The following DGKI variants were observed in gnomAD, a reference collection of about 807,000 sequenced individuals.
DGKI encodes the protein DAG kinase iota.
A neutral mutation model predicts 147.5 loss-of-function variants in DGKI; 55 were observed. The ratio of observed to expected loss-of-function variants is 0.37; its 90% CI spans 0.30 to 0.47. The LOEUF (loss-of-function observed/expected upper bound fraction) is 0.47, where lower values mean the gene tolerates loss of function less well. Among genes scored for constraint, DGKI ranks in the 20% least tolerant of loss-of-function variants. The probability of loss-of-function intolerance (pLI) is 1.00; values close to 1 mark genes in which losing one functional copy is unlikely to be tolerated. For missense variants in DGKI, 1,007 were observed against 1,323.8 expected (o/e 0.76, Z 3.71); for synonymous variants, 469 against 477.1 (o/e 0.98, Z 0.22).
chr7:137,800,930 G>A (rs1299359265), intron 1 of DGKI, among the ~76,000 whole-genome samples: 1 of 152,142 alleles, frequency 6.6e-6, no homozygotes. Context: ...CCACCATTCT[G>A]TAGAATAAGA....
At chr7:137,418,474 C>T (rs995181809) in intron 28 of DGKI, among the ~76,000 whole-genome samples, 1 of 152,090 alleles carries the variant, frequency 6.6e-6, no homozygotes, top group Non-Finnish European at 1.5e-5. Context: ...TATTGCTGTA[C>T]AGAAGACAAT....
In DGKI at chr7:137,843,397, C is replaced by T. The variant is rs916456722; in HGVS notation, c.401+3065G>A. The T allele has an allele frequency of 2.8e-5, 28 of 984,774 alleles. No homozygotes were observed. The East Asian group carries it at 1.5e-3, about 52-fold the overall frequency. The allele number at this position is 984,774 out of a possible 1,614,324, so 61.0% of individuals were successfully genotyped here. On this transcript the variant is annotated intron_variant, in intron 1 of 32. Coordinates refer to ENST00000614521, the MANE Select transcript of DGKI (RefSeq NM_001321708.2). ...TTTAAAAGAAAAGTACCAGCTCACT[C>T]GCACTGCCTTTTCAAACCTTCAGCT...
At chr7:137,397,273 A>G (rs1238420284) in intron 31 of DGKI, 104 bp downstream of exon 31, 2 of 1,101,490 alleles carry the variant, frequency 1.8e-6, no homozygotes, top group Non-Finnish European at 2.6e-6. Flanking sequence ...ACTTTGAATT[A>G]ATTAAGTTAA....
chr7:137,422,006 A>G (rs1259929247), intron 28 of DGKI, among the ~76,000 whole-genome samples: 2 of 152,230 alleles, frequency 1.3e-5, no homozygotes, highest in Non-Finnish European at 2.9e-5. Context: ...GGTGTTTGTT[A>G]GTTGCATCTA....
chr7:137,603,353 A>T (rs764584346), intron 10 of DGKI, among the ~76,000 whole-genome samples: 13 of 152,220 alleles, frequency 8.5e-5, no homozygotes, highest in Non-Finnish European at 1.8e-4. Flanking sequence ...GGTTTATATC[A>T]TGCAGGCATT....
intron 1 of DGKI, among the ~76,000 whole-genome samples, chr7:137,711,604 T>G (rs1024736779): frequency 6.6e-6 from 1 of 151,760 alleles, no homozygotes; most frequent in Non-Finnish European, 1.5e-5. Context: ...GCACAGAATT[T>G]GCAGTCAGAC....
chr7:137,478,622 A>G (rs1347119078), intron 23 of DGKI, among the ~76,000 whole-genome samples: 2 of 152,198 alleles, frequency 1.3e-5, no homozygotes, highest in Admixed American at 6.5e-5. Flanking sequence ...GGCATTAAGG[A>G]TTCCTTGATT....
intron 28 of DGKI, among the ~76,000 whole-genome samples, chr7:137,428,966 G>A (rs1812941475): frequency 2.0e-5 from 3 of 152,082 alleles, no homozygotes; most frequent in African/African-American, 7.2e-5. Context: ...TCGTGAAAAT[G>A]GCCATACTGC....
chr7:137,612,618 A>T (rs1404009177), intron 8 of DGKI, among the ~76,000 whole-genome samples: 1 of 152,144 alleles, frequency 6.6e-6, no homozygotes, highest in East Asian at 1.9e-4. Flanking sequence ...AATCTACAGG[A>T]TCGCTTATCC....
In DGKI at chr7:137,400,108, C is replaced by T. The variant is rs1277883036; in HGVS notation, c.2921-2695G>A. On this transcript the variant is annotated intron_variant, in intron 30 of 32. Coordinates refer to ENST00000614521, the MANE Select transcript of DGKI (RefSeq NM_001321708.2). ...GTGGTATGAAAGGGTCACTTTACTC[C>T]CACTTACATGTGAAGACACTTGTTG... Among the ~76,000 whole-genome samples the T allele has an allele frequency of 1.3e-5, 2 of 152,066 alleles. 1 individual carries two copies. The highest frequency in any genetic ancestry group is 4.8e-5 in the African/African-American group (2 of 41,388).
intron 1 of DGKI, among the ~76,000 whole-genome samples, chr7:137,761,637 C>G (rs753671811): frequency 1.1e-4 from 17 of 152,182 alleles, no homozygotes; most frequent in Admixed American, 5.9e-4. Flanking sequence ...CATTTGAAAG[C>G]CTCATTAGCT....
intron 1 of DGKI, among the ~76,000 whole-genome samples, chr7:137,746,923 T>G (rs1192536483): frequency 1.3e-5 from 2 of 152,202 alleles, no homozygotes. Flanking sequence ...AGAGTTAGCC[T>G]GGGGCAAGAT....
At chr7:137,588,261 G>A (rs1819478718) in intron 12 of DGKI, among the ~76,000 whole-genome samples, 1 of 152,028 alleles carries the variant, frequency 6.6e-6, no homozygotes, top group African/African-American at 2.4e-5. Context: ...CCTCATTAAA[G>A]AGCTAAGCAA....
At chr7:137,623,397 T>C in intron 7 of DGKI, 86 bp downstream of exon 7, 1 of 1,292,774 alleles carries the variant, frequency 7.7e-7, no homozygotes, top group Non-Finnish European at 1.1e-6. Context: ...GAATGCCTTC[T>C]ACTTCCAGGG....
At chr7:137,394,613 C>G (rs1811481638) in intron 32 of DGKI, among the ~76,000 whole-genome samples, 1 of 152,162 alleles carries the variant, frequency 6.6e-6, no homozygotes, top group South Asian at 2.1e-4. Flanking sequence ...CCCCTAAGGC[C>G]TCACCTCCGC....
chr7:137,519,869 T>A (rs1055266754), intron 21 of DGKI, among the ~76,000 whole-genome samples: 1 of 152,106 alleles, frequency 6.6e-6, no homozygotes, highest in African/African-American at 2.4e-5. Context: ...ATTGTTTTCT[T>A]CAAATCCAAA....
intron 19 of DGKI, among the ~76,000 whole-genome samples, chr7:137,559,556 A>G (rs1818347466): frequency 6.6e-6 from 1 of 152,204 alleles, no homozygotes; most frequent in African/African-American, 2.4e-5. Flanking sequence ...AGTAGCAATT[A>G]TTGCATACTT....
chr7:137,443,324 A>G (rs1813584229), intron 28 of DGKI, among the ~76,000 whole-genome samples: 1 of 152,206 alleles, frequency 6.6e-6, no homozygotes, highest in South Asian at 2.1e-4. Flanking sequence ...TATACAGTGT[A>G]CTAGGGAAAA....
At chr7:137,633,917 G>C (rs971033130) in intron 6 of DGKI, among the ~76,000 whole-genome samples, 1 of 152,160 alleles carries the variant, frequency 6.6e-6, no homozygotes, top group African/African-American at 2.4e-5. Flanking sequence ...ACATCATTTG[G>C]TCCACCATAT....
Sources: allele counts gnomAD v4.1 joint callset (sites outside exome capture counted in the v4.1 genomes callset), GRCh38; gene constraint gnomAD v4.1.1; transcripts MANE v1.5; gene names NCBI Gene and HGNC (gene_info 2026-07-23, HGNC 2026-07-21).